The following SPATA22 variants were observed in gnomAD, a reference collection of about 807,000 sequenced individuals.
The protein encoded by SPATA22 is spermatogenesis-associated protein 22.
Under a neutral mutation model 47.8 loss-of-function variants are expected in SPATA22, and 29 were observed. The ratio of observed to expected loss-of-function variants is 0.61; its 90% CI spans 0.45 to 0.83. The LOEUF (loss-of-function observed/expected upper bound fraction) is 0.83. Among genes scored for constraint, SPATA22 ranks in the 40% least tolerant of loss-of-function variants. The pLI is 0.00. For synonymous variants in SPATA22, 133 were observed against 140.9 expected (o/e 0.94, Z 0.40); for missense variants, 410 against 421.7 (o/e 0.97, Z 0.24).
At chr17:3,473,798 CTT>C (rs1400076220), upstream of SPATA22, among the ~76,000 whole-genome samples, 2 of 152,120 alleles carry the variant, frequency 1.3e-5, no homozygotes, top group African/African-American at 4.8e-5. Flanking sequence ...ACCTGGCATC[CTT>C]TTGTTTTAAA....
Position 3,446,573 on chromosome 17 carries a change from T to C in SPATA22, c.701A>G (p.Lys234Arg), listed in dbSNP as rs2072731805. 2.5e-6 allele frequency: 4 copies of C among 1,590,444 alleles called. No individual in the cohort carries two copies. In the South Asian group the frequency reaches 4.5e-5, roughly 18 times the overall value. ...AATTCTTAAAGAACTAGCTTTTTCC[T>C]TAAACTGTAACTGATACAATGAGGT... ...KETSLYQLQF[K>R]EKASSLRIIS... Residue 234 changes from lysine (K) to arginine (R), a missense_variant, in exon 7 of 9, where the codon AAG becomes AGG. Lys to Arg is a conservative substitution (Grantham distance 26). Transcript: ENST00000572969.
intron 1 of SPATA22, 86 bp downstream of exon 1, chr17:3,471,596 A>T (rs2073436788): frequency 1.0e-6 from 1 of 985,080 alleles, no homozygotes. Context: ...GGTGGGAGAG[A>T]AGAGGCTCCA....
chr17:3,475,703 G>A (rs560680701), upstream of SPATA22: 10 of 181,540 alleles, frequency 5.5e-5, no homozygotes, highest in African/African-American at 2.2e-4. Context: ...TGAAATGCCC[G>A]TGGAAATACT....
intron 1 of SPATA22, chr17:3,500,176 G>A (rs559155611): frequency 2.6e-5 from 4 of 152,320 alleles, no homozygotes; most frequent in African/African-American, 9.6e-5. Flanking sequence ...TGGTTCACAA[G>A]GTTTAAGGAA....
intron 1 of SPATA22, among the ~76,000 whole-genome samples, chr17:3,506,532 G>C (rs189949799): frequency 2.6e-5 from 4 of 152,284 alleles, no homozygotes; most frequent in African/African-American, 9.6e-5. Flanking sequence ...ACAGAAAAAC[G>C]TCATTTTTAG....
intron 6 of SPATA22, among the ~76,000 whole-genome samples, chr17:3,447,108 G>A (rs980781): frequency 0.88 from 133,254 of 152,120 alleles, 58,646 homozygotes; most frequent in Non-Finnish European, 0.92. Flanking sequence ...TAAAAAATAA[G>A]TAAACATATA....
intron 1 of SPATA22, among the ~76,000 whole-genome samples, chr17:3,503,698 GGTTT>G (rs1475508539): frequency 1.3e-5 from 2 of 151,956 alleles, no homozygotes; most frequent in East Asian, 1.9e-4. Context: ...ATGTGTGGTT[GGTTT>G]GTTTGTTTTT....
intron 7 of SPATA22, among the ~76,000 whole-genome samples, chr17:3,445,506 CCT>C (rs1377701881): frequency 1.3e-5 from 2 of 152,076 alleles, no homozygotes; most frequent in African/African-American, 2.4e-5. Context: ...ACTGTGATAC[CCT>C]GAGTATAGAA....
At chr17:3,484,444 A>G (rs2073685059) in intron 1 of SPATA22, among the ~76,000 whole-genome samples, 1 of 152,164 alleles carries the variant, frequency 6.6e-6, no homozygotes, top group Admixed American at 6.5e-5. Flanking sequence ...AGCAGGAAAG[A>G]CCTAACCCAG....
chr17:3,507,611 G>T (rs548159252), intron 1 of SPATA22, among the ~76,000 whole-genome samples: 4 of 152,162 alleles, frequency 2.6e-5, no homozygotes, highest in Non-Finnish European at 5.9e-5. Flanking sequence ...AGAGAACCTG[G>T]ATCCTCCAGC....
chr17:3,469,634 A>C (rs1210924651), intron 1 of SPATA22, among the ~76,000 whole-genome samples: 1 of 152,196 alleles, frequency 6.6e-6, no homozygotes. Flanking sequence ...GCATTTTTTC[A>C]CACAGTATAT....
At chr17:3,487,715 T>G (rs1418919602) in intron 1 of SPATA22, among the ~76,000 whole-genome samples, 1 of 152,204 alleles carries the variant, frequency 6.6e-6, no homozygotes, top group Non-Finnish European at 1.5e-5. Flanking sequence ...GACTAGGGGA[T>G]TATTATGATT....
chr17:3,513,743 T>C (rs1597461905), exon 1 of SPATA22: 5 of 528,316 alleles, frequency 9.5e-6, no homozygotes, highest in East Asian at 8.7e-5. Context: ...CTCAGACAAA[T>C]TGACAACTGC....
At chr17:3,481,524 T>C in intron 1 of SPATA22, 2 of 1,377,304 alleles carry the variant, frequency 1.5e-6, no homozygotes, top group Non-Finnish European at 2.0e-6. Context: ...ACTGGTTCTT[T>C]TTACACTGTG....
intron 1 of SPATA22, among the ~76,000 whole-genome samples, chr17:3,493,768 G>C (rs1204531273): frequency 6.6e-6 from 1 of 151,928 alleles, no homozygotes; most frequent in Non-Finnish European, 1.5e-5. Flanking sequence ...GCATAGCCAG[G>C]GGATTAGAGC....
At chr17:3,448,142 G>A (rs542516574) in intron 6 of SPATA22, among the ~76,000 whole-genome samples, 9 of 152,310 alleles carry the variant, frequency 5.9e-5, no homozygotes, top group South Asian at 2.1e-4. Flanking sequence ...GAATTGTGAC[G>A]AGTCTGAAGT....
At chr17:3,446,897 T>C (rs935108810) in intron 6 of SPATA22, among the ~76,000 whole-genome samples, 1 of 152,152 alleles carries the variant, frequency 6.6e-6, no homozygotes, top group Non-Finnish European at 1.5e-5. Flanking sequence ...GTGACAAATA[T>C]AGGTAAGGCC....
chr17:3,456,553 T>A (rs146065095), intron 5 of SPATA22, among the ~76,000 whole-genome samples: 3,505 of 152,062 alleles, frequency 0.023, 130 homozygotes, highest in African/African-American at 0.08. Flanking sequence ...GAGGCAATAA[T>A]CAATAGCTTA....
intron 1 of SPATA22, among the ~76,000 whole-genome samples, chr17:3,505,715 A>G (rs1192801330): frequency 6.6e-6 from 1 of 151,844 alleles, no homozygotes; most frequent in Non-Finnish European, 1.5e-5. Flanking sequence ...GTCTGGAGGG[A>G]AATAGCTGCT....
Sources: allele counts gnomAD v4.1 joint callset (sites outside exome capture counted in the v4.1 genomes callset), GRCh38; gene constraint gnomAD v4.1.1; transcripts MANE v1.5; gene names NCBI Gene and HGNC (gene_info 2026-07-23, HGNC 2026-07-21).